The following LDLRAD4 variants were observed in gnomAD, a reference collection of about 807,000 sequenced individuals.
LDLRAD4 encodes the protein low-density lipoprotein receptor class A domain-containing protein 4.
Under a neutral mutation model 17.0 loss-of-function variants are expected in LDLRAD4, and 5 were observed. The observed-to-expected ratio is 0.29, with a 90% CI of 0.15 to 0.62. LDLRAD4 has a LOEUF of 0.62. Among genes scored for constraint, LDLRAD4 ranks in the 20% least tolerant of loss-of-function variants. The pLI is 0.84. For synonymous variants in LDLRAD4, 168 were observed against 171.8 expected (o/e 0.98, Z 0.17); for missense variants, 340 against 424.7 (o/e 0.80, Z 1.75).
rs367799385 is a variant in LDLRAD4 at position 13,624,485 on chromosome 18, C to T, written c.336+3214C>T. 6.4e-4 allele frequency among the ~76,000 whole-genome samples: 98 copies of T among 152,374 alleles called. 1 individual carries two copies. Among genetic ancestry groups the T allele is most frequent in the African/African-American group, 1.7e-3 (69 of 41,598 alleles). ...ACCAGCAGCACCTGCAGTCCCCTGG[C>T]GGAGGCCAAGACCCCGCTGCCATTC... On this transcript the variant is annotated intron_variant, in intron 4 of 5. Transcript: ENST00000359446.
chr18:13,364,694 T>A (rs1348156023), intron 1 of LDLRAD4, among the ~76,000 whole-genome samples: 1 of 152,136 alleles, frequency 6.6e-6, no homozygotes. Flanking sequence ...AAGTAGCAAA[T>A]AAATTTGAAA....
chr18:13,275,399 G>A (rs1274595443), upstream of LDLRAD4, among the ~76,000 whole-genome samples: 9 of 152,222 alleles, frequency 5.9e-5, no homozygotes, highest in Admixed American at 4.6e-4. Flanking sequence ...TTCTTTTGGG[G>A]TAGAACATGA....
intron 4 of LDLRAD4, among the ~76,000 whole-genome samples, chr18:13,630,719 A>G (rs945955460): frequency 2.0e-5 from 3 of 152,196 alleles, no homozygotes; most frequent in Admixed American, 6.5e-5. Context: ...GAGGCCTTCA[A>G]TCTGTATCTT....
chr18:13,430,665 A>G (rs1174442056), intron 2 of LDLRAD4, among the ~76,000 whole-genome samples: 2 of 152,248 alleles, frequency 1.3e-5, no homozygotes, highest in East Asian at 1.9e-4. Context: ...ACACACACAC[A>G]TGCATACATA....
At chr18:13,385,279 C>G (rs1484284768) in intron 1 of LDLRAD4, among the ~76,000 whole-genome samples, 2 of 152,170 alleles carry the variant, frequency 1.3e-5, no homozygotes, top group African/African-American at 4.8e-5. Context: ...ATTTGTATAT[C>G]TTCTTTTGAG....
intron 3 of LDLRAD4, among the ~76,000 whole-genome samples, chr18:13,571,838 G>A (rs963904033): frequency 5.9e-5 from 9 of 151,972 alleles, no homozygotes; most frequent in Non-Finnish European, 8.8e-5. Context: ...AGGTTTCACC[G>A]TGTTAACCAG....
At chr18:13,345,926 C>A (rs2082658325) in intron 1 of LDLRAD4, among the ~76,000 whole-genome samples, 1 of 152,034 alleles carries the variant, frequency 6.6e-6, no homozygotes, top group Admixed American at 6.6e-5. Flanking sequence ...ATGGTGATAT[C>A]CCCTTCATCA....
chr18:13,267,142 TACTTTC>T (rs2044265273), intron 1 of LDLRAD4, among the ~76,000 whole-genome samples: 1 of 152,250 alleles, frequency 6.6e-6, no homozygotes, highest in South Asian at 2.1e-4. Flanking sequence ...TTGCAAAATG[TACTTTC>T]ACTTGTAAGG....
chr18:13,610,157 A>G (rs1234456986), intron 3 of LDLRAD4, among the ~76,000 whole-genome samples: 2 of 151,470 alleles, frequency 1.3e-5, no homozygotes, highest in African/African-American at 4.9e-5. Context: ...ATTTTACACC[A>G]TGTTAAATCC....
chr18:13,424,530 G>A (rs972197327), intron 2 of LDLRAD4, among the ~76,000 whole-genome samples: 9 of 152,230 alleles, frequency 5.9e-5, no homozygotes, highest in African/African-American at 1.7e-4. Context: ...AGATAATGAC[G>A]TGGGTGAGCA....
At chr18:13,616,395 A>G (rs1385975480) in intron 3 of LDLRAD4, among the ~76,000 whole-genome samples, 1 of 152,104 alleles carries the variant, frequency 6.6e-6, no homozygotes, top group Non-Finnish European at 1.5e-5. Flanking sequence ...CACTTTGAGG[A>G]TCTCCTGGGC....
At chr18:13,363,844 G>A (rs1051827271) in intron 1 of LDLRAD4, among the ~76,000 whole-genome samples, 1 of 152,202 alleles carries the variant, frequency 6.6e-6, no homozygotes, top group Non-Finnish European at 1.5e-5. Flanking sequence ...CAGCACTAGA[G>A]TACTCTTTTG....
intron 2 of LDLRAD4, among the ~76,000 whole-genome samples, chr18:13,405,502 G>A (rs116742101): frequency 0.01 from 1,551 of 152,086 alleles, 21 homozygotes; most frequent in African/African-American, 0.031. Flanking sequence ...AGCTCACTGC[G>A]GCCTTGACCT....
Position 13,583,757 on chromosome 18 carries a change from C to T in LDLRAD4, c.182-37360C>T, listed in dbSNP as rs984170836. On this transcript the variant is annotated intron_variant, in intron 3 of 5. Transcript: ENST00000359446. ...CCGCGCCGAAGCCTGCTTGAGTCACCGAGCCAGGGCGCTGCGGCTCCCCAC... is the reference window on the plus strand; with the variant it reads ...CCGCGCCGAAGCCTGCTTGAGTCACTGAGCCAGGGCGCTGCGGCTCCCCAC... Among the ~76,000 whole-genome samples the T allele has an allele frequency of 1.9e-4, 29 of 152,066 alleles. No individual in the cohort carries two copies. In the East Asian group the frequency reaches 3.1e-3, roughly 16 times the overall value.
chr18:13,348,948 C>T (rs549206111), intron 1 of LDLRAD4, among the ~76,000 whole-genome samples: 1 of 152,192 alleles, frequency 6.6e-6, no homozygotes, highest in Non-Finnish European at 1.5e-5. Context: ...GGGAGAGTGA[C>T]CCGATTTTCC....
At chr18:13,330,704 A>G (rs2081810845) in intron 1 of LDLRAD4, among the ~76,000 whole-genome samples, 3 of 152,192 alleles carry the variant, frequency 2.0e-5, no homozygotes. Context: ...TTTGTATTTT[A>G]ATGACCGACT....
At chr18:13,474,139 G>A (rs1031053222) in intron 3 of LDLRAD4, among the ~76,000 whole-genome samples, 19 of 152,188 alleles carry the variant, frequency 1.2e-4, no homozygotes, top group Non-Finnish European at 2.6e-4. Context: ...CGCCATGATT[G>A]GAAGCTTCCT....
At chr18:13,647,443 C>T (rs1442202648) in exon 6 of LDLRAD4, 3 of 152,084 alleles carry the variant, frequency 2.0e-5, no homozygotes, top group Non-Finnish European at 2.9e-5. Flanking sequence ...ATGATGATTC[C>T]ATGACTCCCA....
chr18:13,232,246 G>A (rs2042115971), intron 1 of LDLRAD4, among the ~76,000 whole-genome samples: 1 of 152,184 alleles, frequency 6.6e-6, no homozygotes, highest in Non-Finnish European at 1.5e-5. Flanking sequence ...GTATGTCCCA[G>A]GTCCTGAGCA....
Sources: allele counts gnomAD v4.1 joint callset (sites outside exome capture counted in the v4.1 genomes callset), GRCh38; gene constraint gnomAD v4.1.1; transcripts MANE v1.5; gene names NCBI Gene and HGNC (gene_info 2026-07-23, HGNC 2026-07-21).